TMEM229B: variants seen among roughly 807,000 people sequenced by gnomAD.
TMEM229B encodes chromosome 14 open reading frame 83.
Under a neutral mutation model 13.7 loss-of-function variants are expected in TMEM229B, and 6 were observed. The observed-to-expected ratio is 0.44, with a 90% confidence interval of 0.24 to 0.86. TMEM229B has a LOEUF of 0.86. Among genes scored for constraint, TMEM229B ranks in the 40% least tolerant of loss-of-function variants. TMEM229B has a pLI of 0.23. For synonymous variants in TMEM229B, 107 were observed against 102.1 expected (o/e 1.05, Z -0.29); for missense variants, 170 against 236.0 (o/e 0.72, Z 1.83).
intron 1 of TMEM229B, among the ~76,000 whole-genome samples, chr14:67,498,583 T>C (rs956713205): frequency 6.6e-6 from 1 of 152,304 alleles, no homozygotes; most frequent in South Asian, 2.1e-4. Flanking sequence ...GAAACTGCAA[T>C]GCCAAGAAAG....
intron 1 of TMEM229B, among the ~76,000 whole-genome samples, chr14:67,501,042 G>GGTT (rs2032587275): frequency 1.0e-5 from 1 of 98,982 alleles, no homozygotes; most frequent in Non-Finnish European, 2.0e-5. Flanking sequence ...TATACTTGGG[G>GGTT]GTTAATAATA....
chr14:67,513,384 A>G (rs544896527), intron 1 of TMEM229B, among the ~76,000 whole-genome samples: 3 of 152,196 alleles, frequency 2.0e-5, no homozygotes, highest in Non-Finnish European at 2.9e-5. Context: ...CTTTAGCCAC[A>G]AATTGCAGGG....
At chr14:67,519,556 G>A (rs2033258660), upstream of TMEM229B, among the ~76,000 whole-genome samples, 1 of 152,130 alleles carries the variant, frequency 6.6e-6, no homozygotes, top group Non-Finnish European at 1.5e-5. Flanking sequence ...AGCCCTACTA[G>A]GTACTGCACA....
intron 1 of TMEM229B, among the ~76,000 whole-genome samples, chr14:67,523,938 T>TAGTGACACAAAGAGCATTTCC (rs71129832): frequency 0.58 from 88,328 of 151,572 alleles, 26,097 homozygotes; most frequent in East Asian, 0.78. Context: ...GAGGGAAGAA[T>TAGTGACACAAAGAGCATTTCC]AGTGACACAA....
chr14:67,530,979 A>G (rs1023184685), intron 1 of TMEM229B, among the ~76,000 whole-genome samples: 3 of 152,210 alleles, frequency 2.0e-5, no homozygotes, highest in African/African-American at 7.2e-5. Flanking sequence ...ACCAGTTGAC[A>G]AGTCCCCATC....
chr14:67,473,234 C>A lies in TMEM229B; in HGVS notation c.*186G>T. 1.3e-6 allele frequency: 1 copy of A among 745,708 alleles called. No homozygotes were observed. The allele number at this position is 745,708 out of a possible 1,614,324, so 46.2% of individuals were successfully genotyped here. A position where few individuals can be genotyped will look rare whatever the true frequency, so the allele number is the denominator to read the frequency against. ...CCCTCTGCTGCCTCCACACCCCATC[C>A]CCCAACACCTGACCACGGCCCCCCA... On this transcript the variant is annotated 3_prime_UTR_variant, in exon 3 of 3. Coordinates refer to ENST00000554480, the MANE Select transcript of TMEM229B (RefSeq NM_001348543.2). This position sits in a 1 kb window ranked among gnomAD's most constrained non-coding sequence, Gnocchi z 6.5.
At chr14:67,524,213 G>A (rs2140275596) in intron 1 of TMEM229B, among the ~76,000 whole-genome samples, 1 of 152,250 alleles carries the variant, frequency 6.6e-6, no homozygotes, top group African/African-American at 2.4e-5. Context: ...TCAGCCTAGT[G>A]AGTAGCTGGG....
At chr14:67,522,108 G>C (rs1176157434) in intron 1 of TMEM229B, among the ~76,000 whole-genome samples, 1 of 152,216 alleles carries the variant, frequency 6.6e-6, no homozygotes, top group Admixed American at 6.5e-5. Flanking sequence ...GGGAGGCGGA[G>C]GTTGCAGTGA....
chr14:67,527,318 C>T (rs1178270196), intron 1 of TMEM229B, among the ~76,000 whole-genome samples: 2 of 152,196 alleles, frequency 1.3e-5, no homozygotes, highest in Non-Finnish European at 2.9e-5. Context: ...ATGGCTTCAG[C>T]TCCAGAGAAT....
rs1450128086 is a variant in TMEM229B at position 67,526,285 on chromosome 14, G to A, written c.-192+7351C>T. Reference sequence around the variant, plus strand: ...ATCCCATCACTTTATCTGTAGCAGAGCAAAAAGGATCCTTGACTTGCAGCT... The same window carrying A: ...ATCCCATCACTTTATCTGTAGCAGAACAAAAAGGATCCTTGACTTGCAGCT... On this transcript the variant is annotated intron_variant, in intron 1 of 2. Transcript: ENST00000554278. Among the ~76,000 whole-genome samples, 5 of 152,062 alleles carry A rather than the reference G, an allele frequency of 3.3e-5. No homozygotes were observed. In the South Asian group the frequency reaches 8.3e-4, roughly 25 times the overall value.
intron 1 of TMEM229B, among the ~76,000 whole-genome samples, chr14:67,526,243 T>C (rs75330426): frequency 0.061 from 9,248 of 152,276 alleles, 832 homozygotes; most frequent in African/African-American, 0.2. Flanking sequence ...TGGGAGTCGG[T>C]CTAGTGCCAG....
intron 1 of TMEM229B, among the ~76,000 whole-genome samples, chr14:67,508,135 CAAA>C (rs34715322): frequency 1.5e-5 from 2 of 130,630 alleles, no homozygotes; most frequent in African/African-American, 3.0e-5. Flanking sequence ...AACTCCATCT[CAAA>C]AAAAAAAAAA....
chr14:67,487,731 G>A (rs988762052), intron 1 of TMEM229B, among the ~76,000 whole-genome samples: 1 of 152,020 alleles, frequency 6.6e-6, no homozygotes, highest in Non-Finnish European at 1.5e-5. Flanking sequence ...CCCTTCCTAT[G>A]AACATCAGTA....
intron 2 of TMEM229B, among the ~76,000 whole-genome samples, chr14:67,476,568 C>G (rs1171444737): frequency 6.6e-6 from 1 of 152,034 alleles, no homozygotes; most frequent in Non-Finnish European, 1.5e-5. Context: ...GCCTGGGCAA[C>G]AGAGCAAGAC....
intron 1 of TMEM229B, among the ~76,000 whole-genome samples, chr14:67,510,027 TA>T (rs200502489): frequency 1.4e-4 from 12 of 83,816 alleles, no homozygotes; most frequent in East Asian, 5.4e-4. Flanking sequence ...ATTTTTTTAT[TA>T]AAAAAAAAAA....
intron 1 of TMEM229B, among the ~76,000 whole-genome samples, chr14:67,530,278 AATT>A (rs1317134866): frequency 6.6e-6 from 1 of 152,204 alleles, no homozygotes; most frequent in African/African-American, 2.4e-5. Flanking sequence ...AAGAGGCCAG[AATT>A]ATTATCATCA....
chr14:67,479,300 G>A (rs1416341676), intron 2 of TMEM229B, among the ~76,000 whole-genome samples: 2 of 151,838 alleles, frequency 1.3e-5, no homozygotes, highest in African/African-American at 4.8e-5. Flanking sequence ...CAGCTACTCG[G>A]GAGGCTGAGG....
chr14:67,473,264 C>T lies in TMEM229B; in HGVS notation c.*156G>A. 6.9e-6 allele frequency: 7 copies of T among 1,015,568 alleles called. No homozygotes were observed. Among genetic ancestry groups the T allele is most frequent in the Non-Finnish European group, 8.5e-6 (6 of 703,958 alleles). 62.9% of individuals were successfully genotyped at this position (1,015,568 alleles called of 1,614,324 possible). ...ACACCTGACCACGGCCCCCCAACACCGGCCCCCGCGGACGTTAGGGGGCTC... is the reference window on the plus strand; with the variant it reads ...ACACCTGACCACGGCCCCCCAACACTGGCCCCCGCGGACGTTAGGGGGCTC... On this transcript the variant is annotated 3_prime_UTR_variant, in exon 3 of 3. Transcript: ENST00000554480. The surrounding 1 kb of genome is among the most constrained non-coding windows in gnomAD (Gnocchi z 6.5).
At chr14:67,526,267 C>T (rs2033366219) in intron 1 of TMEM229B, among the ~76,000 whole-genome samples, 1 of 152,250 alleles carries the variant, frequency 6.6e-6, no homozygotes, top group African/African-American at 2.4e-5. Context: ...TGTATCCCAT[C>T]ACTTTATCTG....
Sources: gnomAD v4.1 joint callset for allele counts (sites outside exome capture counted in the v4.1 genomes callset) on GRCh38, gnomAD v4.1.1 for gene constraint, Gnocchi (gnomAD v3.1) non-coding constraint, MANE v1.5 for transcripts, NCBI Gene and HGNC (gene_info 2026-07-23, HGNC 2026-07-21) for gene names.